Variants in PREX1 observed in about 807,000 individuals in gnomAD.
PREX1 encodes the protein phosphatidylinositol 3,4,5-trisphosphate-dependent Rac exchanger 1 protein.
A neutral mutation model predicts 198.3 loss-of-function variants in PREX1; 41 were observed. The ratio of observed to expected loss-of-function variants is 0.21; its 90% CI spans 0.16 to 0.27. The LOEUF (loss-of-function observed/expected upper bound fraction) is 0.27, where lower values mean the gene tolerates loss of function less well. PREX1 is among the 10% of genes least tolerant of loss of function. The pLI is 1.00. For synonymous variants in PREX1, 843 were observed against 887.2 expected, an observed-to-expected ratio of 0.95 and a Z score of 0.89; for missense variants, 1,620 against 2,200.7, an observed-to-expected ratio of 0.74 and a Z score of 5.28.
chr20:48,741,643 G>A (rs1427302977), intron 3 of PREX1, among the ~76,000 whole-genome samples: 4 of 152,184 alleles, frequency 2.6e-5, no homozygotes, highest in Non-Finnish European at 4.4e-5. Flanking sequence ...CAAAAGATCC[G>A]ATGTGTCAAA....
At chr20:48,866,110 G>C in the PREX1 span, among the ~76,000 whole-genome samples, 2 of 152,070 alleles carry the variant, frequency 1.3e-5, no homozygotes, top group Non-Finnish European at 2.9e-5. Flanking sequence ...CACCATACCT[G>C]GCTAATTATT....
intron 4 of PREX1, among the ~76,000 whole-genome samples, chr20:48,731,328 T>C (rs1055845769): frequency 6.6e-6 from 1 of 152,176 alleles, no homozygotes; most frequent in Non-Finnish European, 1.5e-5. Flanking sequence ...CCATCCTAAC[T>C]TCCTCAAAAC....
intron 1 of PREX1, among the ~76,000 whole-genome samples, chr20:48,748,105 A>G (rs188155950): frequency 3.0e-4 from 45 of 152,190 alleles, no homozygotes; most frequent in Admixed American, 1.6e-3. Flanking sequence ...TGCACCTACG[A>G]CGCCAGGCCC....
At chr20:48,793,283 G>A (rs1019422282) in intron 1 of PREX1, among the ~76,000 whole-genome samples, 1 of 152,224 alleles carries the variant, frequency 6.6e-6, no homozygotes, top group African/African-American at 2.4e-5. Context: ...ATAATGGGGA[G>A]TGACTACCAA....
At chr20:48,648,762 C>T (rs1401197015) in intron 25 of PREX1, among the ~76,000 whole-genome samples, 2 of 152,130 alleles carry the variant, frequency 1.3e-5, no homozygotes, top group Admixed American at 1.3e-4. Context: ...ATGATTTGGC[C>T]GGATGCCTCC....
rs114173398 is a variant in PREX1, at chr20:48,755,023, T to C, written c.220-7143A>G. On this transcript the variant is annotated intron_variant, in intron 1 of 39. Coordinates refer to ENST00000371941, the MANE Select transcript of PREX1 (RefSeq NM_020820.4). ...CCTACAGGGGAAAATAAATCTCATATGTGGCATGAAGCTTTACCTTCAATA... is the reference window on the plus strand; with the variant it reads ...CCTACAGGGGAAAATAAATCTCATACGTGGCATGAAGCTTTACCTTCAATA... Among the ~76,000 whole-genome samples the C allele has an allele frequency of 4.7e-3, 715 of 152,272 alleles. 4 individuals are homozygous for C. The highest frequency in any genetic ancestry group is 0.016 in the African/African-American group (685 of 41,558).
intron 7 of PREX1, among the ~76,000 whole-genome samples, chr20:48,695,268 C>T (rs2089839561): frequency 6.6e-6 from 1 of 152,168 alleles, no homozygotes; most frequent in African/African-American, 2.4e-5. Flanking sequence ...CAAGTGTGTA[C>T]TTTTGTGTCC....
At chr20:48,629,357 C>G in intron 37 of PREX1, 92 bp downstream of exon 37, 1 of 1,494,896 alleles carries the variant, frequency 6.7e-7, no homozygotes, top group Non-Finnish European at 9.1e-7. Flanking sequence ...GATTGGAACC[C>G]AGCCTTCCTG....
At chr20:48,723,884 T>G (rs1001748512) in intron 5 of PREX1, among the ~76,000 whole-genome samples, 29 of 152,168 alleles carry the variant, frequency 1.9e-4, no homozygotes, top group Non-Finnish European at 3.8e-4. Context: ...TTAAAATATG[T>G]CACGGAAGCT....
chr20:48,661,447 AT>A (rs1568809912), intron 15 of PREX1, among the ~76,000 whole-genome samples: 13 of 91,948 alleles, frequency 1.4e-4, no homozygotes, highest in African/African-American at 4.0e-4. Context: ...AAAAAAAAAT[AT>A]ATATATATAT....
the PREX1 span, among the ~76,000 whole-genome samples, chr20:48,878,260 TATAC>T: frequency 6.6e-6 from 1 of 152,198 alleles, no homozygotes; most frequent in Non-Finnish European, 1.5e-5. Context: ...CCACAAAAAG[TATAC>T]ATGCAGTAGC....
chr20:48,629,066 C>G (rs1463984966), intron 37 of PREX1, among the ~76,000 whole-genome samples: 1 of 152,132 alleles, frequency 6.6e-6, no homozygotes, highest in Non-Finnish European at 1.5e-5. Flanking sequence ...TGACCTCTTC[C>G]TCCCTGGGAT....
the PREX1 span, among the ~76,000 whole-genome samples, chr20:48,877,855 T>C: frequency 6.6e-6 from 1 of 152,164 alleles, no homozygotes; most frequent in African/African-American, 2.4e-5. Context: ...ACGCCTATAA[T>C]CCCAGCACTT....
intron 1 of PREX1, among the ~76,000 whole-genome samples, chr20:48,795,453 A>T (rs2090357761): frequency 6.9e-6 from 1 of 144,838 alleles, no homozygotes; most frequent in Non-Finnish European, 1.5e-5. Context: ...CTGTCTGGAG[A>T]TATTTTTGGT....
rs1246028877 is a variant in PREX1 at position 48,651,104 on chromosome 20, T to C, written c.2656-49A>G. The C allele has an allele frequency of 1.9e-6, 3 of 1,597,496 alleles. No individual in the cohort carries two copies. The South Asian group carries it at 3.4e-5, about 18-fold the overall frequency. The stretch of plus-strand genomic sequence containing the variant: ...GAGCATTCCCTGTGTGCCGGGAAGA[T>C]TTTAAGCGGTTCACCCACAGTGACT... On this transcript the variant is annotated intron_variant, in intron 22 of 39. Transcript: ENST00000371941.
intron 1 of PREX1, among the ~76,000 whole-genome samples, chr20:48,815,926 C>T (rs1449851101): frequency 2.0e-5 from 3 of 151,770 alleles, no homozygotes; most frequent in South Asian, 2.1e-4. Flanking sequence ...AGGAGAATCG[C>T]TCGAACCTGG....
intron 15 of PREX1, among the ~76,000 whole-genome samples, chr20:48,661,442 A>AAAT (rs2089592084): frequency 1.2e-5 from 1 of 83,904 alleles, no homozygotes; most frequent in African/African-American, 1.0e-4. Context: ...AAAAAAAAAA[A>AAAT]AAATATATAT....
At chr20:48,633,683 C>T (rs879882542) in intron 33 of PREX1, among the ~76,000 whole-genome samples, 1 of 152,094 alleles carries the variant, frequency 6.6e-6, no homozygotes, top group African/African-American at 2.4e-5. Context: ...CTCTGAGAAC[C>T]CCTGCTTTCA....
chr20:48,773,032 C>T (rs1330203447), intron 1 of PREX1, among the ~76,000 whole-genome samples: 1 of 152,028 alleles, frequency 6.6e-6, no homozygotes, highest in Admixed American at 6.5e-5. Flanking sequence ...TTTAGGAGGC[C>T]GAGGGAGGCA....
Sources: gnomAD v4.1 joint callset for allele counts (sites outside exome capture counted in the v4.1 genomes callset) on GRCh38, gnomAD v4.1.1 for gene constraint, MANE v1.5 for transcripts, NCBI Gene and HGNC (gene_info 2026-07-23, HGNC 2026-07-21) for gene names.